The following TRDN variants were observed in gnomAD, a reference collection of about 807,000 sequenced individuals.
TRDN encodes the protein triadin in skeletal muscle.
Under a neutral mutation model 149.7 loss-of-function variants are expected in TRDN, and 161 were observed. The ratio of observed to expected loss-of-function variants is 1.08; its 90% CI spans 0.95 to 1.23. The LOEUF (loss-of-function observed/expected upper bound fraction) is 1.23. TRDN is among the 50% of genes most tolerant of loss of function. TRDN has a pLI of 0.00. For missense variants in TRDN, 896 were observed against 823.5 expected, an observed-to-expected ratio of 1.09 and a Z score of -1.08; for synonymous variants, 294 against 250.5, an observed-to-expected ratio of 1.17 and a Z score of -1.64.
rs529544133 is a variant in TRDN, at chr6:123,242,457, C to T, written c.1975+9955G>A. ...AGCACATTATTTATCATATATTTAC[C>T]ATATATACAAAAATAAAGATACAGA... On this transcript the variant is annotated intron_variant, in intron 38 of 40. Transcript: ENST00000334268. 2.2e-3 allele frequency among the ~76,000 whole-genome samples: 336 copies of T among 151,934 alleles called. 1 individual carries two copies. The highest frequency in any genetic ancestry group is 7.7e-3 in the African/African-American group (318 of 41,452).
intron 10 of TRDN, among the ~76,000 whole-genome samples, chr6:123,455,352 G>T (rs999033439): frequency 6.6e-6 from 1 of 151,626 alleles, no homozygotes; most frequent in Admixed American, 6.6e-5. Flanking sequence ...GCTGAGGGGT[G>T]CCATGTCTGT....
chr6:123,335,406 T>C (rs1361504285), intron 22 of TRDN, among the ~76,000 whole-genome samples: 3 of 151,920 alleles, frequency 2.0e-5, no homozygotes, highest in African/African-American at 7.2e-5. Flanking sequence ...TAAAATTATC[T>C]ACTATTTTCT....
At chr6:123,296,820 G>A (rs1778219396) in intron 24 of TRDN, among the ~76,000 whole-genome samples, 1 of 151,910 alleles carries the variant, frequency 6.6e-6, no homozygotes, top group Non-Finnish European at 1.5e-5. Context: ...CTGAACATCA[G>A]GGAAAGAAAT....
chr6:123,534,103 C>A (rs1049570144), intron 4 of TRDN, among the ~76,000 whole-genome samples: 3 of 151,968 alleles, frequency 2.0e-5, no homozygotes, highest in African/African-American at 4.8e-5. Flanking sequence ...AGAGGTCAAC[C>A]ATTTTTAAAA....
At chr6:123,363,047 T>C (rs921934681) in intron 20 of TRDN, among the ~76,000 whole-genome samples, 2 of 152,154 alleles carry the variant, frequency 1.3e-5, no homozygotes, top group African/African-American at 2.4e-5. Flanking sequence ...ATTGACACAT[T>C]ACAGTGAACA....
At chr6:123,573,994 A>T (rs112989280) in intron 1 of TRDN, among the ~76,000 whole-genome samples, 9 of 152,154 alleles carry the variant, frequency 5.9e-5, no homozygotes, top group African/African-American at 2.2e-4. Context: ...TCTCTTTACA[A>T]AAATGAGATA....
intron 14 of TRDN, among the ~76,000 whole-genome samples, chr6:123,386,217 T>C (rs887829169): frequency 8.5e-5 from 13 of 152,100 alleles, no homozygotes; most frequent in Non-Finnish European, 1.6e-4. Flanking sequence ...AAATAAATAA[T>C]AGTAGAGAGA....
chr6:123,527,946 T>A (rs1756535687), intron 5 of TRDN, among the ~76,000 whole-genome samples: 1 of 151,880 alleles, frequency 6.6e-6, no homozygotes, highest in South Asian at 2.1e-4. Context: ...AACTAACATG[T>A]CAGAGCTTGT....
intron 38 of TRDN, among the ~76,000 whole-genome samples, chr6:123,242,459 T>C (rs1776024760): frequency 6.6e-6 from 1 of 152,054 alleles, no homozygotes; most frequent in South Asian, 2.1e-4. Flanking sequence ...ATATTTACCA[T>C]ATATACAAAA....
At chr6:123,427,088 CA>C (rs1774153603) in intron 12 of TRDN, among the ~76,000 whole-genome samples, 1 of 152,010 alleles carries the variant, frequency 6.6e-6, no homozygotes, top group Non-Finnish European at 1.5e-5. Flanking sequence ...CATTATTCCA[CA>C]TGTGTAATAA....
intron 24 of TRDN, among the ~76,000 whole-genome samples, chr6:123,313,428 C>T (rs940194785): frequency 2.6e-5 from 4 of 151,906 alleles, no homozygotes; most frequent in African/African-American, 9.7e-5. Flanking sequence ...GGCTTATTTA[C>T]CTTCAATCTT....
At chr6:123,336,538 A>G (rs980177369) in intron 22 of TRDN, among the ~76,000 whole-genome samples, 70 of 152,000 alleles carry the variant, frequency 4.6e-4, no homozygotes, top group African/African-American at 1.5e-3. Context: ...ATTGATCAAA[A>G]TCTCCTATTA....
Position 123,374,524 on chromosome 6 carries a change from C to T in TRDN, c.1273+1081G>A, listed in dbSNP as rs116282893. On this transcript the variant is annotated intron_variant, in intron 19 of 40. Transcript: ENST00000334268. ...AATGGAATTTTAGATTCATGTTAAA[C>T]CTCTCTTGTAAAGTTCTCAATGTCT... 1.7e-3 allele frequency among the ~76,000 whole-genome samples: 252 copies of T among 152,128 alleles called. 2 individuals are homozygous for T. Among genetic ancestry groups the T allele is most frequent in the African/African-American group, 5.8e-3 (240 of 41,526 alleles).
At chr6:123,228,557 G>A (rs1044945403) in intron 38 of TRDN, among the ~76,000 whole-genome samples, 4 of 151,916 alleles carry the variant, frequency 2.6e-5, no homozygotes, top group South Asian at 2.1e-4. Context: ...TCCTGAGAAC[G>A]TACTCACTAT....
chr6:123,493,091 C>T (rs115309279), intron 9 of TRDN, among the ~76,000 whole-genome samples: 2,881 of 152,136 alleles, frequency 0.019, 94 homozygotes, highest in African/African-American at 0.065. Context: ...GGGAGATCTT[C>T]GGTGTTCATA....
chr6:123,335,223 T>C (rs1779817568), intron 22 of TRDN, among the ~76,000 whole-genome samples: 1 of 151,880 alleles, frequency 6.6e-6, no homozygotes, highest in African/African-American at 2.4e-5. Flanking sequence ...TAAAGGCATT[T>C]TGGGGGCATT....
chr6:123,228,407 T>A (rs1397167010), intron 38 of TRDN, among the ~76,000 whole-genome samples: 1 of 151,922 alleles, frequency 6.6e-6, no homozygotes, highest in African/African-American at 2.4e-5. Flanking sequence ...TGACTCACAT[T>A]TCAGCCTGGC....
At chr6:123,475,600 A>C (rs1302411944) in intron 9 of TRDN, among the ~76,000 whole-genome samples, 53 of 121,692 alleles carry the variant, frequency 4.4e-4, no homozygotes, top group African/African-American at 1.7e-3. Flanking sequence ...GCAGAGACAC[A>C]ACCAAAAAAG....
chr6:123,346,039 A>G (rs556622987), intron 21 of TRDN, among the ~76,000 whole-genome samples: 1 of 152,124 alleles, frequency 6.6e-6, no homozygotes, highest in South Asian at 2.1e-4. Flanking sequence ...ATATTGTTGC[A>G]TTCGCTAAAA....
Sources: gnomAD v4.1 joint callset for allele counts (sites outside exome capture counted in the v4.1 genomes callset) on GRCh38, gnomAD v4.1.1 for gene constraint, MANE v1.5 for transcripts, NCBI Gene and HGNC (gene_info 2026-07-23, HGNC 2026-07-21) for gene names.